The following ATF2 variants were observed in gnomAD, a reference collection of about 807,000 sequenced individuals.
ATF2 encodes activating transcription factor 2, also known as cyclic AMP-dependent transcription factor ATF-2.
In ATF2, 24 loss-of-function variants were observed where a neutral mutation model predicts 60.6. The observed-to-expected ratio is 0.40, with a 90% CI of 0.29 to 0.56. The LOEUF (loss-of-function observed/expected upper bound fraction) is 0.56, where lower values mean the gene tolerates loss of function less well. Ranked by LOEUF, ATF2 falls within the 20% of genes least tolerant of loss-of-function variation. The probability of loss-of-function intolerance (pLI) is 0.54; values close to 1 mark genes in which losing one functional copy is unlikely to be tolerated. For missense variants in ATF2, 433 were observed against 607.7 expected (o/e 0.71, Z 3.02); for synonymous variants, 206 against 215.4 (o/e 0.96, Z 0.38).
At chr2:175,108,836 C>T (rs376322631) in intron 10 of ATF2, among the ~76,000 whole-genome samples, 2 of 152,284 alleles carry the variant, frequency 1.3e-5, no homozygotes, top group African/African-American at 2.4e-5. Context: ...AAGAAAAATT[C>T]CTCTGCCTTG....
At chr2:175,155,838 A>G (rs1365085413) in intron 1 of ATF2, among the ~76,000 whole-genome samples, 2 of 152,228 alleles carry the variant, frequency 1.3e-5, no homozygotes, top group Non-Finnish European at 2.9e-5. Flanking sequence ...GGTACTTATA[A>G]AAGTGGTGTA....
intron 1 of ATF2, among the ~76,000 whole-genome samples, chr2:175,158,132 G>C (rs1457719624): frequency 6.6e-6 from 1 of 151,998 alleles, no homozygotes; most frequent in African/African-American, 2.4e-5. Flanking sequence ...GAATAGCAAA[G>C]TGGTCATAAT....
intron 10 of ATF2, among the ~76,000 whole-genome samples, chr2:175,110,098 A>G (rs908666742): frequency 7.9e-5 from 12 of 152,094 alleles, no homozygotes; most frequent in African/African-American, 2.9e-4. Context: ...ACACTTTGGG[A>G]GGCTGGGGAG....
chr2:175,158,194 C>A (rs1433097744), intron 1 of ATF2, among the ~76,000 whole-genome samples: 1 of 151,472 alleles, frequency 6.6e-6, no homozygotes, highest in African/African-American at 2.4e-5. Context: ...CCTAGTAGGA[C>A]TTCACTTGCC....
intron 10 of ATF2, among the ~76,000 whole-genome samples, chr2:175,104,474 G>A (rs772355237): frequency 6.6e-6 from 1 of 152,040 alleles, no homozygotes; most frequent in Non-Finnish European, 1.5e-5. Context: ...GGGTGGGGGG[G>A]GCGGTGCGCA....
At chr2:175,158,057 C>G (rs1317835231) in intron 1 of ATF2, among the ~76,000 whole-genome samples, 1 of 151,662 alleles carries the variant, frequency 6.6e-6, no homozygotes, top group South Asian at 2.1e-4. Flanking sequence ...AAGCAGGATA[C>G]GAACACTCAG....
intron 2 of ATF2, among the ~76,000 whole-genome samples, chr2:175,142,767 T>C (rs888908610): frequency 1.4e-4 from 20 of 140,200 alleles, no homozygotes; most frequent in African/African-American, 5.3e-4. Flanking sequence ...TCTTACATAA[T>C]TCTAAAAAAC....
In ATF2 at chr2:175,074,792, A is replaced by G; in HGVS notation, c.1335T>C (p.Ser445=). The G allele has an allele frequency of 1.9e-6, 3 of 1,613,474 alleles. No individual in the cohort carries two copies. Among genetic ancestry groups the G allele is most frequent in the South Asian group, 1.1e-5 (1 of 91,082 alleles). ...GCTGTATAGCTTCTGTATGTGGACT[A>G]CTCGGCACTGAAATGTCTTCTGAAC... is the stretch of plus-strand genomic sequence containing the variant. ...DDSSEDISVP[S]SPHTEAIQHS... Residue 445 remains serine, a synonymous_variant, in exon 14 of 14, where the codon AGT becomes AGC. Coordinates refer to ENST00000264110, the MANE Select transcript of ATF2 (RefSeq NM_001880.4).
chr2:175,089,447 C>G (rs545556240), intron 12 of ATF2, among the ~76,000 whole-genome samples: 6 of 152,174 alleles, frequency 3.9e-5, no homozygotes, highest in African/African-American at 1.4e-4. Flanking sequence ...TGGGTCATTA[C>G]AGCCCACTAC....
At chr2:175,120,817 GCAGCTAATA>G (rs1047088982) in intron 5 of ATF2, among the ~76,000 whole-genome samples, 2 of 151,448 alleles carry the variant, frequency 1.3e-5, no homozygotes, top group Non-Finnish European at 3.0e-5. Context: ...CCAAAAAAAG[GCAGCTAATA>G]CAGCATGGAA....
chr2:175,117,933 A>T (rs955626484), intron 7 of ATF2, 57 bp downstream of exon 7: 6 of 1,496,960 alleles, frequency 4.0e-6, no homozygotes. Context: ...ATTAAATAGT[A>T]AACTTTATTT....
At chr2:175,152,836 T>C (rs1214917763) in intron 1 of ATF2, among the ~76,000 whole-genome samples, 1 of 152,182 alleles carries the variant, frequency 6.6e-6, no homozygotes, top group Non-Finnish European at 1.5e-5. Context: ...ACTACAAAAA[T>C]GGAGCAGCAA....
intron 10 of ATF2, among the ~76,000 whole-genome samples, chr2:175,103,051 T>G (rs1183918068): frequency 6.6e-6 from 1 of 152,222 alleles, no homozygotes. Context: ...TAAGAGGTGA[T>G]CTCCTAGAAA....
intron 10 of ATF2, among the ~76,000 whole-genome samples, chr2:175,106,535 A>G (rs753499761): frequency 1.3e-5 from 2 of 149,352 alleles, no homozygotes; most frequent in Non-Finnish European, 3.0e-5. Context: ...AAAAACAACA[A>G]CAAAAAAAAA....
chr2:175,125,575 C>T (rs569475041), intron 4 of ATF2, among the ~76,000 whole-genome samples: 1 of 152,052 alleles, frequency 6.6e-6, no homozygotes, highest in African/African-American at 2.4e-5. Context: ...ACATTTAAAT[C>T]CAGTTATTCT....
intron 4 of ATF2, among the ~76,000 whole-genome samples, chr2:175,127,999 A>G (rs1697457219): frequency 6.6e-6 from 1 of 152,202 alleles, no homozygotes; most frequent in Non-Finnish European, 1.5e-5. Context: ...CTGGAACACT[A>G]ACTGTAAAGC....
In ATF2 at chr2:175,135,352, C is replaced by G. The variant is rs182055611; in HGVS notation, c.32+1060G>C. Among the ~76,000 whole-genome samples the G allele has an allele frequency of 5.9e-4, 90 of 152,232 alleles. 1 individual carries two copies. The South Asian group carries it at 0.011, about 18-fold the overall frequency. ...AAAGTCGAAAGTGAATCTAATCAAG[C>G]CTCCCTAGCTCCAACTACAAGGAAA... On this transcript the variant is annotated intron_variant, in intron 3 of 13. Transcript: ENST00000264110.
At chr2:175,119,153 G>T (rs1322282687) in intron 5 of ATF2, among the ~76,000 whole-genome samples, 1 of 151,618 alleles carries the variant, frequency 6.6e-6, no homozygotes, top group African/African-American at 2.4e-5. Context: ...AAAATGCCAG[G>T]TAAGATTTAC....
At chr2:175,084,641 TAAA>T (rs111833261) in intron 12 of ATF2, among the ~76,000 whole-genome samples, 4,953 of 91,736 alleles carry the variant, frequency 0.054, 265 homozygotes, top group African/African-American at 0.17. Context: ...ACTTAAAGTA[TAAA>T]AAAAAAAAAA....
Sources: gnomAD v4.1 joint callset for allele counts (sites outside exome capture counted in the v4.1 genomes callset) on GRCh38, gnomAD v4.1.1 for gene constraint, MANE v1.5 for transcripts, NCBI Gene and HGNC (gene_info 2026-07-23, HGNC 2026-07-21) for gene names.